The following ABTB2 variants were observed in gnomAD, a reference collection of about 807,000 sequenced individuals.
ABTB2 encodes ankyrin repeat and BTB/POZ domain-containing protein 2.
In ABTB2, 56 loss-of-function variants were observed where a neutral mutation model predicts 104.1. That is an observed-to-expected ratio of 0.54 (90% CI 0.43 to 0.67). The LOEUF is 0.67. ABTB2 is among the 30% of genes least tolerant of loss of function. ABTB2 has a pLI of 0.00. For missense variants in ABTB2, 1,279 were observed against 1,407.7 expected (o/e 0.91, Z 1.46); for synonymous variants, 606 against 608.2 (o/e 1.00, Z 0.05).
At chr11:34,340,057 AAAC>A (rs1855244103) in intron 1 of ABTB2, among the ~76,000 whole-genome samples, 2 of 151,798 alleles carry the variant, frequency 1.3e-5, no homozygotes, top group Admixed American at 6.6e-5. Context: ...ACAAACAAAC[AAAC>A]AAACAAAAAC....
chr11:34,340,077 A>T (rs936202306), intron 1 of ABTB2, among the ~76,000 whole-genome samples: 1 of 151,692 alleles, frequency 6.6e-6, no homozygotes, highest in Non-Finnish European at 1.5e-5. Flanking sequence ...AAACAAAAAA[A>T]GAAAAAAGGA....
intron 1 of ABTB2, among the ~76,000 whole-genome samples, chr11:34,276,001 A>G (rs1230902821): frequency 6.6e-6 from 1 of 152,232 alleles, no homozygotes; most frequent in East Asian, 1.9e-4. Flanking sequence ...ATACCTGAAC[A>G]GAAACCTTTT....
chr11:34,344,238 T>G (rs78072691), intron 1 of ABTB2, among the ~76,000 whole-genome samples: 7,773 of 152,210 alleles, frequency 0.051, 527 homozygotes, highest in East Asian at 0.31. Flanking sequence ...CAGCCCCCAT[T>G]TTAATGACAG....
Position 34,291,905 on chromosome 11 carries a change from G to GT in ABTB2, c.883+64795dup, listed in dbSNP as rs796382639. The stretch of plus-strand genomic sequence containing the variant: ...CATCCTTGCTTGTAGCTAATAAGAG[G>GT]TTTTTTTTTTTGGCTTTTAGAGTGA... On this transcript the variant is annotated intron_variant, in intron 1 of 16. Coordinates refer to ENST00000435224, the MANE Select transcript of ABTB2 (RefSeq NM_145804.3). 8.0e-3 allele frequency among the ~76,000 whole-genome samples: 1,172 copies of GT among 146,020 alleles called. 12 individuals are homozygous for GT. The highest frequency in any genetic ancestry group is 0.025 in the African/African-American group (1,018 of 40,044).
chr11:34,237,606 T>C (rs1853862622), intron 1 of ABTB2, among the ~76,000 whole-genome samples: 1 of 152,138 alleles, frequency 6.6e-6, no homozygotes, highest in Non-Finnish European at 1.5e-5. Context: ...CTGGCTTCAG[T>C]AAGAACCCAC....
intron 1 of ABTB2, among the ~76,000 whole-genome samples, chr11:34,333,513 T>G (rs536518617): frequency 1.3e-5 from 2 of 152,304 alleles, no homozygotes; most frequent in Non-Finnish European, 2.9e-5. Context: ...TCCAGCACTT[T>G]GGGAGGCCAA....
At chr11:34,268,263 A>G (rs1443163593) in intron 1 of ABTB2, among the ~76,000 whole-genome samples, 1 of 152,180 alleles carries the variant, frequency 6.6e-6, no homozygotes, top group African/African-American at 2.4e-5. Flanking sequence ...TCTTGTACAT[A>G]TTTAAGAAGT....
At chr11:34,288,433 C>G (rs1262112232) in intron 1 of ABTB2, among the ~76,000 whole-genome samples, 1 of 152,256 alleles carries the variant, frequency 6.6e-6, no homozygotes, top group South Asian at 2.1e-4. Flanking sequence ...CAGAGTTATC[C>G]TAAGTGCAAG....
At chr11:34,236,358 T>C (rs1311855563) in intron 1 of ABTB2, among the ~76,000 whole-genome samples, 2 of 152,208 alleles carry the variant, frequency 1.3e-5, no homozygotes, top group Non-Finnish European at 2.9e-5. Context: ...GTCTTCTACC[T>C]CCAGAAGGCA....
In ABTB2 at chr11:34,167,310, G is replaced by T. The variant is rs1852814013; in HGVS notation, c.1704C>A (p.His568Gln). The change falls in exon 7 of 17, where the codon CAC (histidine) becomes CAA (glutamine). Residue 568 changes from histidine to glutamine, a missense_variant. His to Gln is a conservative substitution (Grantham distance 24). Transcript: ENST00000435224. ...RHPSIHPDSR[H>Q]WTSLTFAVLH... ...GCACAGCGAATGTCAGTGAGGTCCA[G>T]TGCCGGCTGTCGGGGTGGATGGAAG... 1 of 1,613,626 alleles carries T rather than the reference G, an allele frequency of 6.2e-7. No individual in the cohort carries two copies. The highest frequency in any genetic ancestry group is 2.2e-5 in the East Asian group (1 of 44,876).
In ABTB2 at chr11:34,166,894, C is replaced by G. The variant is rs7109618; in HGVS notation, c.1755+365G>C. ...AGAGTTGGCCCTGTAGTAGAATTCA[C>G]GAGGGAGGAGAAAAGGGAAGGGTCG... On this transcript the variant is annotated intron_variant, in intron 7 of 16. Transcript: ENST00000435224. Among the ~76,000 whole-genome samples, 1,161 of 152,212 alleles carry G rather than the reference C, an allele frequency of 7.6e-3. 8 individuals carry two copies. The highest frequency in any genetic ancestry group is 0.025 in the African/African-American group (1,025 of 41,516).
intron 1 of ABTB2, among the ~76,000 whole-genome samples, chr11:34,286,177 G>C (rs977649409): frequency 6.6e-6 from 1 of 151,728 alleles, no homozygotes; most frequent in Admixed American, 6.6e-5. Context: ...AAAATTTTAG[G>C]CTGGATGTGG....
At chr11:34,335,057 T>C in intron 1 of ABTB2, 1 of 783,884 alleles carries the variant, frequency 1.3e-6, no homozygotes, top group Non-Finnish European at 2.2e-6. Context: ...TGACAGTGTT[T>C]ATAGATCAAC....
At chr11:34,170,873 C>T (rs138350995) in intron 5 of ABTB2, 33 bp downstream of exon 5, 15 of 1,600,074 alleles carry the variant, frequency 9.4e-6, no homozygotes, top group Middle Eastern at 1.7e-4. Context: ...CTCTGGTCCT[C>T]GTGCCTGTCT....
intron 1 of ABTB2, among the ~76,000 whole-genome samples, chr11:34,208,267 A>G (rs915186360): frequency 2.0e-5 from 3 of 152,246 alleles, no homozygotes; most frequent in Non-Finnish European, 2.9e-5. Context: ...AGGAAAGGAC[A>G]TATCTATTTT....
intron 1 of ABTB2, chr11:34,335,724 C>T: frequency 7.2e-7 from 1 of 1,395,862 alleles, no homozygotes; most frequent in Non-Finnish European, 1.0e-6. Flanking sequence ...TTTTATAAAG[C>T]AGGCTTTTCT....
At position 34,164,735 on chromosome 11, in the gene ABTB2, G is replaced by T; in HGVS notation, c.1939C>A (p.Leu647Ile). ...MLEAHGMGSS[L>I]HEDMNCFSHS... is the part of the protein sequence containing the mutation. ...CTGAAGCAGTTCATGTCCTCGTGGA[G>T]GGAGGAGCCCATGCCGTGGGCCTCC... Residue 647 changes from leucine to isoleucine, a missense_variant, in exon 9 of 17, where the codon CTC becomes ATC. Physicochemically the swap from Leu to Ile is conservative, Grantham distance 5. Coordinates refer to ENST00000435224, the MANE Select transcript of ABTB2 (RefSeq NM_145804.3). 1 of 1,554,276 alleles carries T rather than the reference G, an allele frequency of 6.4e-7. No individual in the cohort carries two copies. Among genetic ancestry groups the T allele is most frequent in the Non-Finnish European group, 8.6e-7 (1 of 1,160,590 alleles).
chr11:34,174,765 T>C (rs1852939716), intron 3 of ABTB2, among the ~76,000 whole-genome samples: 1 of 152,216 alleles, frequency 6.6e-6, no homozygotes, highest in Non-Finnish European at 1.5e-5. Flanking sequence ...CTGCCCAGAA[T>C]GGACGGAGCT....
At chr11:34,272,548 A>T (rs1421886150) in intron 1 of ABTB2, among the ~76,000 whole-genome samples, 1 of 151,818 alleles carries the variant, frequency 6.6e-6, no homozygotes, top group Admixed American at 6.6e-5. Flanking sequence ...TCTACTAAAA[A>T]TACAAAAAAC....
Sources: gnomAD v4.1 joint callset for allele counts (sites outside exome capture counted in the v4.1 genomes callset) on GRCh38, gnomAD v4.1.1 for gene constraint, MANE v1.5 for transcripts, NCBI Gene and HGNC (gene_info 2026-07-23, HGNC 2026-07-21) for gene names.